The following STX11 variants were observed in gnomAD, a reference collection of about 807,000 sequenced individuals.
The protein encoded by STX11 is syntaxin-11.
STX11 carries 21 observed loss-of-function variants against 19.9 expected under a neutral mutation model. The observed-to-expected ratio is 1.06, with a 90% CI of 0.75 to 1.52. STX11 has a LOEUF of 1.52. Among genes scored for constraint, STX11 ranks in the 40% most tolerant of loss-of-function variants. The pLI is 0.00. For synonymous variants in STX11, 193 were observed against 174.4 expected (o/e 1.11, Z -0.84); for missense variants, 438 against 405.9 (o/e 1.08, Z -0.68).
chr6:144,140,233 T>A, the STX11 span, among the ~76,000 whole-genome samples: 33 of 49,440 alleles, frequency 6.7e-4, no homozygotes, highest in African/African-American at 4.1e-3. Flanking sequence ...TATATATATA[T>A]ATATATATAT....
In STX11 at chr6:144,191,144, A is replaced by G. The variant is rs1802199164; in HGVS notation, c.*3653A>G. Among the ~76,000 whole-genome samples the G allele has an allele frequency of 6.6e-6, 1 of 151,394 alleles. No individual in the cohort carries two copies. Among genetic ancestry groups the G allele is most frequent in the Non-Finnish European group, 1.5e-5 (1 of 67,938 alleles). The stretch of plus-strand genomic sequence containing the variant: ...GGTAAGAATCTTTTATAGCTATTTT[A>G]ACATATACAGTGACTACTTTCTACT... On this transcript the variant is annotated 3_prime_UTR_variant, in exon 2 of 2. Coordinates refer to ENST00000367568, the MANE Select transcript of STX11 (RefSeq NM_003764.4).
chr6:144,162,958 T>G lies in STX11; in HGVS notation c.-6+12255T>G, dbSNP rs868009448. Among the ~76,000 whole-genome samples, 4 of 152,232 alleles carry G rather than the reference T, an allele frequency of 2.6e-5. No individual in the cohort carries two copies. The South Asian group carries it at 8.3e-4, about 31-fold the overall frequency. Reference sequence around the variant, plus strand: ...ATACCTTTTGAGGTTCATTGTCTTATTCTAGTTTGCTCAGTGCTAGGAGTC... The same window carrying G: ...ATACCTTTTGAGGTTCATTGTCTTAGTCTAGTTTGCTCAGTGCTAGGAGTC... On this transcript the variant is annotated intron_variant, in intron 1 of 1. Transcript: ENST00000367568. This position sits in a 1 kb window ranked among gnomAD's most constrained non-coding sequence, Gnocchi z 4.6.
Position 144,151,826 on chromosome 6 carries a change from C to T in STX11, c.-6+1123C>T, listed in dbSNP as rs544388451. 1.3e-5 allele frequency among the ~76,000 whole-genome samples: 2 copies of T among 152,126 alleles called. No homozygotes were observed. The highest frequency in any genetic ancestry group is 2.9e-5 in the Non-Finnish European group (2 of 68,014). On this transcript the variant is annotated intron_variant, in intron 1 of 1. Transcript: ENST00000367568. This position sits in a 1 kb window ranked among gnomAD's most constrained non-coding sequence, Gnocchi z 4.6. ...TAAAACCACATGATGATTTTTGAAG[C>T]GGGTGGGTCCCAGCGGGAGCAGAGA...
rs907074946 is a variant in STX11, at chr6:144,151,575, G to T, written c.-6+872G>T. On this transcript the variant is annotated intron_variant, in intron 1 of 1. Coordinates refer to ENST00000367568, the MANE Select transcript of STX11 (RefSeq NM_003764.4). This position sits in a 1 kb window ranked among gnomAD's most constrained non-coding sequence, Gnocchi z 4.6. Reference sequence around the variant, plus strand: ...GATTGAGTTTTCAGTTTCCTAAGGCGCCTGATGTTACAACATGCCAGTAAA... The same window carrying T: ...GATTGAGTTTTCAGTTTCCTAAGGCTCCTGATGTTACAACATGCCAGTAAA... Among the ~76,000 whole-genome samples, 1 of 152,224 alleles carries T rather than the reference G, an allele frequency of 6.6e-6. No individual in the cohort carries two copies. The highest frequency in any genetic ancestry group is 1.5e-5 in the Non-Finnish European group (1 of 68,034).
rs897144137 is a variant in STX11 at position 144,172,894 on chromosome 6, AAAG to A, written c.-5-13727_-5-13725del. On this transcript the variant is annotated intron_variant, in intron 1 of 1. Transcript: ENST00000367568. This position sits in a 1 kb window ranked among gnomAD's most constrained non-coding sequence, Gnocchi z 4.2. ...AGTAGACACCCCATTTAAAAAAAAA[AAAG>A]AGCCATTAACAGGATACATATGACA... 1.3e-5 allele frequency among the ~76,000 whole-genome samples: 2 copies of A among 152,162 alleles called. No individual in the cohort carries two copies. Among genetic ancestry groups the A allele is most frequent in the Admixed American group, 6.5e-5 (1 of 15,276 alleles).
rs1801452088 is a variant in STX11 at position 144,165,404 on chromosome 6, G to C, written c.-6+14701G>C. Among the ~76,000 whole-genome samples, 1 of 151,794 alleles carries C rather than the reference G, an allele frequency of 6.6e-6. No individual in the cohort carries two copies. Among genetic ancestry groups the C allele is most frequent in the South Asian group, 2.1e-4 (1 of 4,828 alleles). ...CGGGAGGCGGAGGTTGCGGTGAGCA[G>C]AGATCGCGCCATTGCACTCCAGCCT... is the stretch of plus-strand genomic sequence containing the variant. On this transcript the variant is annotated intron_variant, in intron 1 of 1. Transcript: ENST00000367568. The surrounding 1 kb of genome is among the most constrained non-coding windows in gnomAD (Gnocchi z 5.8).
chr6:144,168,400 G>A (rs1487612317), intron 1 of STX11, among the ~76,000 whole-genome samples: 1 of 152,188 alleles, frequency 6.6e-6, no homozygotes, highest in Admixed American at 6.5e-5. Context: ...TTTTTCTGCA[G>A]TGTTAATGGT....
chr6:144,166,466 C>T (rs1042891289), intron 1 of STX11, among the ~76,000 whole-genome samples: 1 of 150,836 alleles, frequency 6.6e-6, no homozygotes, highest in Non-Finnish European at 1.5e-5. Context: ...CTAAAATTTC[C>T]TTTTCTTTTG....
At chr6:144,186,440 A>T (rs946605475) in intron 1 of STX11, among the ~76,000 whole-genome samples, 183 bp from the exon 2 acceptor site, 1 of 152,176 alleles carries the variant, frequency 6.6e-6, no homozygotes, top group African/African-American at 2.4e-5. Flanking sequence ...CATGTTGTTC[A>T]GTCATCTTAT....
intron 1 of STX11, among the ~76,000 whole-genome samples, chr6:144,171,109 C>A (rs919005073): frequency 6.6e-6 from 1 of 152,170 alleles, no homozygotes; most frequent in Non-Finnish European, 1.5e-5. Context: ...GTGAGGAAAC[C>A]CAGGCAAGAC....
At chr6:144,142,754 G>C in the STX11 span, among the ~76,000 whole-genome samples, 1 of 152,316 alleles carries the variant, frequency 6.6e-6, no homozygotes, top group South Asian at 2.1e-4. Context: ...GAGTGGAAAG[G>C]GGGATGAAGA....
rs1802110447 is a variant in STX11, at chr6:144,188,039, T to C, written c.*548T>C. On this transcript the variant is annotated 3_prime_UTR_variant, in exon 2 of 2. Coordinates refer to ENST00000367568, the MANE Select transcript of STX11 (RefSeq NM_003764.4). The stretch of plus-strand genomic sequence containing the variant: ...CCCCAAATATAGATCTTATTTCTGC[T>C]CATTTCCCCTACTTATTAAAATCAC... 1 of 246,188 alleles carries C rather than the reference T, an allele frequency of 4.1e-6. No homozygotes were observed. The highest frequency in any genetic ancestry group is 2.2e-5 in the African/African-American group (1 of 45,164). 15.3% of individuals were successfully genotyped at this position (246,188 alleles called of 1,614,324 possible).
In STX11 at chr6:144,187,497, C is replaced by G. The variant is rs777558264; in HGVS notation, c.*6C>G. On this transcript the variant is annotated 3_prime_UTR_variant, in exon 2 of 2. Coordinates refer to ENST00000367568, the MANE Select transcript of STX11 (RefSeq NM_003764.4). The surrounding 1 kb of genome is among the most constrained non-coding windows in gnomAD (Gnocchi z 5.6). ...GCTGTCCCTGCCTCAAGTAGCAGGC[C>G]GGCCCGGGCCGCCACCGCCCATCCC... The G allele has an allele frequency of 6.2e-7, 1 of 1,611,498 alleles. No homozygotes were observed. The highest frequency in any genetic ancestry group is 1.7e-5 in the Admixed American group (1 of 60,012).
chr6:144,150,627 C>A lies in STX11; in HGVS notation c.-82C>A. ...GGAGTCGCGCAACAGGTTTCCTTCT[C>A]CATCGCTGCGCCCACAGGGGACGCG... On this transcript the variant is annotated 5_prime_UTR_variant, in exon 1 of 2. Transcript: ENST00000367568. 1 of 985,458 alleles carries A rather than the reference C, an allele frequency of 1.0e-6. No individual in the cohort carries two copies. The highest frequency in any genetic ancestry group is 1.2e-6 in the Non-Finnish European group (1 of 829,980). 61.0% of individuals were successfully genotyped at this position (985,458 alleles called of 1,614,324 possible). A position where few individuals can be genotyped will look rare whatever the true frequency, so the allele number is the denominator to read the frequency against.
chr6:144,148,735 C>A (rs543687970), upstream of STX11, among the ~76,000 whole-genome samples: 2 of 152,284 alleles, frequency 1.3e-5, no homozygotes, highest in African/African-American at 2.4e-5. Context: ...TTCTAGGCTG[C>A]GGCAGTTTTT....
At chr6:144,148,788 C>T (rs1009427755), upstream of STX11, among the ~76,000 whole-genome samples, 1 of 152,196 alleles carries the variant, frequency 6.6e-6, no homozygotes, top group African/African-American at 2.4e-5. Flanking sequence ...GAGACAGCAT[C>T]TGGCTATGTC....
Position 144,186,720 on chromosome 6 carries a change from G to A in STX11, c.93G>A (p.Glu31=), listed in dbSNP as rs748204833. The A allele has an allele frequency of 3.7e-6, 6 of 1,614,062 alleles. No homozygotes were observed. Among genetic ancestry groups the A allele is most frequent in the Admixed American group, 3.3e-5 (2 of 60,008 alleles). ...ACGATGAGTTTGACTCGCCCCACGA[G>A]GACATCGTGTTCGAGACGGACCACA... is the stretch of plus-strand genomic sequence containing the variant. ...DGDDEFDSPH[E]DIVFETDHIL... Residue 31 remains glutamate (E), a synonymous_variant, in exon 2 of 2, where the codon GAG becomes GAA. Coordinates refer to ENST00000367568, the MANE Select transcript of STX11 (RefSeq NM_003764.4).
At chr6:144,140,594 A>T in the STX11 span, 2 of 191,388 alleles carry the variant, frequency 1.0e-5, no homozygotes, top group African/African-American at 4.8e-5. Flanking sequence ...TTTTGGTGCC[A>T]GTATTGCACT....
chr6:144,155,859 A>G lies in STX11; in HGVS notation c.-6+5156A>G, dbSNP rs1801123036. ...CTTTGTAAGGCTCAGTAATTGGGTAATTTTTAGAATGATGTAGAGTTGTAG... is the reference window on the plus strand; with the variant it reads ...CTTTGTAAGGCTCAGTAATTGGGTAGTTTTTAGAATGATGTAGAGTTGTAG... On this transcript the variant is annotated intron_variant, in intron 1 of 1. Coordinates refer to ENST00000367568, the MANE Select transcript of STX11 (RefSeq NM_003764.4). The surrounding 1 kb of genome is among the most constrained non-coding windows in gnomAD (Gnocchi z 4.5). 1.3e-5 allele frequency among the ~76,000 whole-genome samples: 2 copies of G among 152,120 alleles called. No homozygotes were observed. The highest frequency in any genetic ancestry group is 2.9e-5 in the Non-Finnish European group (2 of 68,034).
Sources: allele counts gnomAD v4.1 joint callset (sites outside exome capture counted in the v4.1 genomes callset), GRCh38; gene constraint gnomAD v4.1.1; non-coding constraint Gnocchi (gnomAD v3.1); transcripts MANE v1.5; gene names NCBI Gene and HGNC (gene_info 2026-07-23, HGNC 2026-07-21).